Variants in AKAP19 observed in about 807,000 individuals in gnomAD.
AKAP19 encodes A-kinase anchoring protein 19, also known as small A-kinase anchoring protein.
the AKAP19 span, among the ~76,000 whole-genome samples, chr2:190,012,189 A>G: frequency 6.6e-6 from 1 of 152,158 alleles, no homozygotes; most frequent in Non-Finnish European, 1.5e-5. Context: ...CAGTGGCACA[A>G]TCTCAGCTCA....
At chr2:189,886,658 A>G in the AKAP19 span, among the ~76,000 whole-genome samples, 1 of 152,216 alleles carries the variant, frequency 6.6e-6, no homozygotes, top group Non-Finnish European at 1.5e-5. Context: ...AGCTTCATGA[A>G]GAAAATGGCA....
the AKAP19 span, among the ~76,000 whole-genome samples, chr2:190,155,234 G>A: frequency 6.6e-6 from 1 of 152,214 alleles, no homozygotes; most frequent in South Asian, 2.1e-4. Context: ...CTCACTCTAA[G>A]CTGATAGAAC....
At chr2:189,961,149 A>G in the AKAP19 span, among the ~76,000 whole-genome samples, 2 of 152,184 alleles carry the variant, frequency 1.3e-5, no homozygotes, top group Non-Finnish European at 2.9e-5. Context: ...ACTCCTTTTA[A>G]TCAGGTCTTC....
chr2:190,171,294 G>A, the AKAP19 span, among the ~76,000 whole-genome samples: 1 of 151,654 alleles, frequency 6.6e-6, no homozygotes, highest in Non-Finnish European at 1.5e-5. Flanking sequence ...GAAGGTGAAG[G>A]AAGGCCTGAA....
chr2:190,200,022 C>A, the AKAP19 span: 1 of 1,614,014 alleles, frequency 6.2e-7, no homozygotes, highest in Admixed American at 1.7e-5. Flanking sequence ...CTCCAGGGAC[C>A]AATACTGTGA....
the AKAP19 span, among the ~76,000 whole-genome samples, chr2:189,977,733 G>C: frequency 6.6e-6 from 1 of 152,158 alleles, no homozygotes; most frequent in African/African-American, 2.4e-5. Flanking sequence ...GAATCTTGGG[G>C]TACTTGAACA....
At chr2:190,045,932 C>G in the AKAP19 span, among the ~76,000 whole-genome samples, 3 of 152,170 alleles carry the variant, frequency 2.0e-5, no homozygotes, top group African/African-American at 7.2e-5. Flanking sequence ...ACTGAAGGCC[C>G]TGGTGGAGTG....
the AKAP19 span, among the ~76,000 whole-genome samples, chr2:189,953,357 C>T: frequency 2.0e-5 from 3 of 151,616 alleles, no homozygotes; most frequent in Non-Finnish European, 2.9e-5. Context: ...AGATATAGGC[C>T]GGGCATGGTG....
the AKAP19 span, among the ~76,000 whole-genome samples, chr2:190,049,677 A>T: frequency 1.3e-5 from 2 of 152,224 alleles, no homozygotes; most frequent in African/African-American, 4.8e-5. Context: ...GCCTTCACTG[A>T]TATTACTAAG....
At chr2:190,039,396 T>C in the AKAP19 span, among the ~76,000 whole-genome samples, 4 of 152,186 alleles carry the variant, frequency 2.6e-5, no homozygotes, top group African/African-American at 7.2e-5. Flanking sequence ...ATCTTCCACA[T>C]GCTTCAAATA....
At chr2:190,081,577 T>C in the AKAP19 span, among the ~76,000 whole-genome samples, 1 of 152,224 alleles carries the variant, frequency 6.6e-6, no homozygotes, top group African/African-American at 2.4e-5. Flanking sequence ...TGTGCATACA[T>C]GAGCATGTTA....
At chr2:189,905,575 T>G in the AKAP19 span, among the ~76,000 whole-genome samples, 4 of 152,044 alleles carry the variant, frequency 2.6e-5, no homozygotes, top group African/African-American at 9.7e-5. Context: ...TACCTTGAAT[T>G]CATTACCAGT....
At chr2:190,111,771 T>A in the AKAP19 span, among the ~76,000 whole-genome samples, 1 of 152,216 alleles carries the variant, frequency 6.6e-6, no homozygotes, top group Non-Finnish European at 1.5e-5. Context: ...TACCAGAATG[T>A]GCACATATAC....
At chr2:190,008,765 CACA>C in the AKAP19 span, among the ~76,000 whole-genome samples, 5 of 109,560 alleles carry the variant, frequency 4.6e-5, no homozygotes, top group South Asian at 3.8e-4. Flanking sequence ...CACACACACA[CACA>C]CACCCACCTG....
At chr2:189,946,543 G>A in the AKAP19 span, among the ~76,000 whole-genome samples, 7 of 151,968 alleles carry the variant, frequency 4.6e-5, no homozygotes, top group Non-Finnish European at 7.4e-5. Flanking sequence ...GAACATTGTA[G>A]TACCAAAAAA....
the AKAP19 span, among the ~76,000 whole-genome samples, chr2:190,115,364 G>A: frequency 1.0e-5 from 1 of 99,932 alleles, no homozygotes; most frequent in Non-Finnish European, 1.9e-5. Flanking sequence ...CTGTCGCCCA[G>A]GCTGGAGTGC....
chr2:190,193,737 TA>T, the AKAP19 span, among the ~76,000 whole-genome samples: 1 of 152,204 alleles, frequency 6.6e-6, no homozygotes, highest in African/African-American at 2.4e-5. Context: ...TATAGAGATG[TA>T]TCTATTAGAT....
chr2:189,880,569 A>G, the AKAP19 span, among the ~76,000 whole-genome samples: 1 of 152,184 alleles, frequency 6.6e-6, no homozygotes, highest in East Asian at 1.9e-4. Context: ...TAGTCAGTGT[A>G]TTGTCTGACG....
chr2:190,113,823 CT>C, the AKAP19 span, among the ~76,000 whole-genome samples: 4 of 152,188 alleles, frequency 2.6e-5, no homozygotes, highest in Non-Finnish European at 5.9e-5. Context: ...CTGTTTCACT[CT>C]TCCCAGTCCC....
Sources: gnomAD v4.1 joint callset for allele counts (sites outside exome capture counted in the v4.1 genomes callset) on GRCh38, gnomAD v4.1.1 for gene constraint, MANE v1.5 for transcripts, NCBI Gene and HGNC (gene_info 2026-07-23, HGNC 2026-07-21) for gene names.